Variants in CFLAR observed in about 807,000 individuals in gnomAD.
CFLAR encodes CASP8 and FADD like apoptosis regulator.
Under a neutral mutation model 51.1 loss-of-function variants are expected in CFLAR, and 14 were observed. The observed-to-expected ratio is 0.27, with a 90% CI of 0.18 to 0.43. CFLAR has a LOEUF of 0.43. CFLAR is among the 20% of genes least tolerant of loss of function. The pLI is 1.00. For missense variants in CFLAR, 390 were observed against 566.5 expected, an observed-to-expected ratio of 0.69 and a Z score of 3.16; for synonymous variants, 210 against 211.6, an observed-to-expected ratio of 0.99 and a Z score of 0.06.
intron 1 of CFLAR, among the ~76,000 whole-genome samples, chr2:201,119,613 G>T (rs906475467): frequency 1.3e-5 from 2 of 151,464 alleles, no homozygotes; most frequent in Non-Finnish European, 2.9e-5. Context: ...CCCCTCAGAA[G>T]ACTTGACACC....
intron 1 of CFLAR, among the ~76,000 whole-genome samples, chr2:201,123,625 A>G (rs1412012010): frequency 1.3e-5 from 2 of 152,174 alleles, no homozygotes; most frequent in Non-Finnish European, 2.9e-5. Context: ...TCTTAATCCT[A>G]TCATATTGGC....
At chr2:201,131,314 G>A (rs1285617181) in intron 2 of CFLAR, among the ~76,000 whole-genome samples, 5 of 152,002 alleles carry the variant, frequency 3.3e-5, no homozygotes, top group African/African-American at 1.2e-4. Flanking sequence ...TTGGCTCACT[G>A]TAACCTCTGC....
chr2:201,141,500 ATAATGTGTTT>A, intron 5 of CFLAR: 1 of 1,521,616 alleles, frequency 6.6e-7, no homozygotes, highest in Non-Finnish European at 8.8e-7. Context: ...TAAATGTGTT[ATAATGTGTTT>A]AGCCCTTTCT....
intron 3 of CFLAR, among the ~76,000 whole-genome samples, 164 bp from the exon 4 acceptor site, chr2:201,135,808 T>C (rs2050032131): frequency 6.6e-6 from 1 of 152,078 alleles, no homozygotes; most frequent in African/African-American, 2.4e-5. Context: ...TTATTTTTTG[T>C]AGAGATGGGG....
rs1014320425 is a variant in CFLAR, at chr2:201,168,520, T to C, written c.*4547T>C. ...GACAAACCCACAGCCATTATCATACTGAATGGGCAAAAGCTGGAAGCATTC... is the reference window on the plus strand; with the variant it reads ...GACAAACCCACAGCCATTATCATACCGAATGGGCAAAAGCTGGAAGCATTC... On this transcript the variant is annotated 3_prime_UTR_variant, in exon 10 of 10. Coordinates refer to ENST00000309955, the MANE Select transcript of CFLAR (RefSeq NM_003879.7). The C allele has an allele frequency of 3.3e-5, 5 of 152,170 alleles. No individual in the cohort carries two copies. The highest frequency in any genetic ancestry group is 1.2e-4 in the African/African-American group (5 of 41,436). 9.4% of individuals were successfully genotyped at this position (152,170 alleles called of 1,614,324 possible).
rs1942896634 is a variant in CFLAR, at chr2:201,160,804, A to C, written c.1166A>C (p.Lys389Thr). ...AAGAATGTGGAATTCAAGGCTCAGA[A>C]GCGAGGGCTGTGCACAGTTCACCGA... ...AMKNVEFKAQ[K>T]RGLCTVHREA... is the part of the protein sequence containing the mutation. The change falls in exon 9 of 10, where the codon AAG becomes ACG. Residue 389 changes from lysine to threonine, a missense_variant. Lys to Thr is a moderately conservative substitution (Grantham distance 78). This residue lies in a region of CFLAR where 287 missense variants were observed against 363.6 expected (regional missense o/e 0.79). Transcript: ENST00000309955. The C allele has an allele frequency of 6.2e-7, 1 of 1,614,002 alleles. No homozygotes were observed. Among genetic ancestry groups the C allele is most frequent in the Non-Finnish European group, 8.5e-7 (1 of 1,180,014 alleles).
intron 1 of CFLAR, 131 bp from the exon 2 acceptor site, chr2:201,129,588 TTAGACTTCTA>T: frequency 2.3e-6 from 1 of 437,624 alleles, no homozygotes; most frequent in East Asian, 3.2e-5. Flanking sequence ...ATCCCTTTCT[TTAGACTTCTA>T]TAGATCCCTT....
rs189615506 is a variant in CFLAR at position 201,172,446 on chromosome 2, C to A, written c.*8473C>A. 9.2e-5 allele frequency: 14 copies of A among 152,150 alleles called. No individual in the cohort carries two copies. Among genetic ancestry groups the A allele is most frequent in the Middle Eastern group, 3.4e-3 (1 of 294 alleles). 9.4% of individuals were successfully genotyped at this position (152,150 alleles called of 1,614,324 possible). ...TAATTCACAAGCCATAAAATTTGCC[C>A]CTTTAAAGTAAATGATGCAGTGGAT... On this transcript the variant is annotated 3_prime_UTR_variant, in exon 10 of 10. Transcript: ENST00000309955.
At chr2:201,137,022 C>G (rs571588654) in intron 4 of CFLAR, 1 of 176,568 alleles carries the variant, frequency 5.7e-6, no homozygotes, top group Non-Finnish European at 1.2e-5. Flanking sequence ...TAAGGGTAGC[C>G]CAGAGCTGGG....
In CFLAR at chr2:201,173,725, G is replaced by A. The variant is rs572714143; in HGVS notation, c.*9752G>A. 6.6e-6 allele frequency: 1 copy of A among 150,802 alleles called. No homozygotes were observed. The highest frequency in any genetic ancestry group is 1.5e-5 in the Non-Finnish European group (1 of 68,028). 9.3% of individuals were successfully genotyped at this position (150,802 alleles called of 1,614,324 possible). On this transcript the variant is annotated 3_prime_UTR_variant, in exon 10 of 10. Coordinates refer to ENST00000309955, the MANE Select transcript of CFLAR (RefSeq NM_003879.7). ...CTCACTCTGTCGCCCAGGTTGGAGTGCAGTGGTGCAATCTCGGCTCACTGC... is the reference window on the plus strand; with the variant it reads ...CTCACTCTGTCGCCCAGGTTGGAGTACAGTGGTGCAATCTCGGCTCACTGC...
intron 1 of CFLAR, 150 bp from the exon 2 acceptor site, chr2:201,129,579 T>A (rs1198677714): frequency 2.3e-6 from 1 of 431,042 alleles, no homozygotes. Flanking sequence ...CTACCAAGGA[T>A]CCCTTTCTTT....
At chr2:201,160,345 T>G in intron 8 of CFLAR, 87 bp from the exon 9 acceptor site, 3 of 1,379,532 alleles carry the variant, frequency 2.2e-6, no homozygotes, top group Non-Finnish European at 3.0e-6. Context: ...TAATGGAGAT[T>G]AGACCATGTC....
At chr2:201,160,972 A>G (rs1226361176) in intron 9 of CFLAR, 30 bp downstream of exon 9, 3 of 1,540,832 alleles carry the variant, frequency 1.9e-6, no homozygotes, top group Admixed American at 1.8e-5. Context: ...TCAGTTCCGG[A>G]CCACCTGCTT....
intron 8 of CFLAR, among the ~76,000 whole-genome samples, chr2:201,155,063 T>C (rs1221190087): frequency 6.6e-6 from 1 of 152,208 alleles, no homozygotes; most frequent in East Asian, 1.9e-4. Context: ...TGTTGTGTCA[T>C]CTGTGTCAGT....
rs1456740097 is a variant in CFLAR at position 201,130,200 on chromosome 2, CA to C, written c.281+55del. 6.3e-6 allele frequency: 9 copies of C among 1,423,328 alleles called. 1 individual carries two copies. The East Asian group carries it at 2.2e-4, about 35-fold the overall frequency. The allele number at this position is 1,423,328 out of a possible 1,614,324, so 88.2% of individuals were successfully genotyped here. A position where few individuals can be genotyped will look rare whatever the true frequency, so the allele number is the denominator to read the frequency against. ...GTGGGTGGGAGGGAGTGAAGTGTCT[CA>C]GACTCTACTGAATGGCAGAAACGAG... On this transcript the variant is annotated intron_variant, in intron 2 of 9. Coordinates refer to ENST00000309955, the MANE Select transcript of CFLAR (RefSeq NM_003879.7).
chr2:201,161,183 G>A (rs1269558630), intron 9 of CFLAR, among the ~76,000 whole-genome samples: 2 of 152,118 alleles, frequency 1.3e-5, no homozygotes, highest in African/African-American at 2.4e-5. Flanking sequence ...TTCAGCCTGG[G>A]CAACAAAGTG....
Position 201,160,889 on chromosome 2 carries a change from C to T in CFLAR, c.1251C>T (p.His417=), listed in dbSNP as rs556833082. ...TADMSLLEQS[H]SSPSLYLQCL... ...ACATGTCCCTGCTGGAGCAGTCTCACAGCTCACCATCCCTGTACCTGCAGT... is the reference window on the plus strand; with the variant it reads ...ACATGTCCCTGCTGGAGCAGTCTCATAGCTCACCATCCCTGTACCTGCAGT... Residue 417 remains histidine, a synonymous_variant, in exon 9 of 10, where the codon CAC becomes CAT. Transcript: ENST00000309955. 5 of 1,612,672 alleles carry T rather than the reference C, an allele frequency of 3.1e-6. No homozygotes were observed. The highest frequency in any genetic ancestry group is 4.2e-6 in the Non-Finnish European group (5 of 1,178,942).
rs568071585 is a variant in CFLAR at position 201,173,389 on chromosome 2, A to G, written c.*9416A>G. 8.5e-5 allele frequency: 13 copies of G among 152,452 alleles called. No homozygotes were observed. Among genetic ancestry groups the G allele is most frequent in the African/African-American group, 2.4e-4 (10 of 41,538 alleles). The allele number at this position is 152,452 out of a possible 1,614,324, so 9.4% of individuals were successfully genotyped here. On this transcript the variant is annotated 3_prime_UTR_variant, in exon 10 of 10. Coordinates refer to ENST00000309955, the MANE Select transcript of CFLAR (RefSeq NM_003879.7). Reference sequence around the variant, plus strand: ...CGCCCGGCTAATTTTTTGTATTTTTAGTAGAGACAGGGTTTCACCGTGTTA... The same window carrying G: ...CGCCCGGCTAATTTTTTGTATTTTTGGTAGAGACAGGGTTTCACCGTGTTA...
At chr2:201,149,263 G>A in intron 7 of CFLAR, 1 of 467,428 alleles carries the variant, frequency 2.1e-6, no homozygotes, top group Non-Finnish European at 3.9e-6. Context: ...ATGCAGGGAA[G>A]TTCCAAAGTA....
Sources: allele counts gnomAD v4.1 joint callset (sites outside exome capture counted in the v4.1 genomes callset), GRCh38; gene constraint gnomAD v4.1.1; regional missense constraint gnomAD v4.1.1; transcripts MANE v1.5; gene names NCBI Gene and HGNC (gene_info 2026-07-23, HGNC 2026-07-21).